The following ROBO2 variants were observed in gnomAD, a reference collection of about 807,000 sequenced individuals.
ROBO2 encodes roundabout homolog 2.
ROBO2 carries 53 observed loss-of-function variants against 160.8 expected under a neutral mutation model. That is an observed-to-expected ratio of 0.33 (90% CI 0.26 to 0.41). The LOEUF is 0.41. Ranked by LOEUF, ROBO2 falls within the 10% of genes least tolerant of loss-of-function variation. ROBO2 has a pLI of 1.00. For synonymous variants in ROBO2, 664 were observed against 611.7 expected, an observed-to-expected ratio of 1.09 and a Z score of -1.26; for missense variants, 1,577 against 1,722.4, an observed-to-expected ratio of 0.92 and a Z score of 1.49.
At chr3:77,240,077 C>G (rs562908158) in intron 2 of ROBO2, among the ~76,000 whole-genome samples, 2 of 152,330 alleles carry the variant, frequency 1.3e-5, no homozygotes, top group African/African-American at 4.8e-5. Context: ...CAGCCAGTCC[C>G]ATGCTGCGCT....
chr3:77,477,273 G>T, intron 2 of ROBO2, 141 bp from the exon 3 acceptor site: 1 of 819,422 alleles, frequency 1.2e-6, no homozygotes. Context: ...AATATTTTAA[G>T]GTGGATGTAG....
At chr3:77,087,051 T>C (rs1249961859) in intron 1 of ROBO2, among the ~76,000 whole-genome samples, 1 of 152,138 alleles carries the variant, frequency 6.6e-6, no homozygotes, top group African/African-American at 2.4e-5. Context: ...TTTTAGACAT[T>C]GACACTGGGT....
At chr3:76,111,158 G>A (rs1050323200) in intron 2 of ROBO2, among the ~76,000 whole-genome samples, 1 of 152,054 alleles carries the variant, frequency 6.6e-6, no homozygotes, top group African/African-American at 2.4e-5. Flanking sequence ...AATATGACTG[G>A]TGTCATTATA....
chr3:76,795,700 C>T lies in ROBO2; in HGVS notation c.110-302314C>T, dbSNP rs138533797. On this transcript the variant is annotated intron_variant, in intron 2 of 26. Coordinates refer to the ROBO2 transcript ENST00000487694. ...TCATCCATGAGGTTTGGAATCAACT[C>T]TTTTGAACATCCCATTAATGTTGGC... is the stretch of plus-strand genomic sequence containing the variant. Among the ~76,000 whole-genome samples, 216 of 152,204 alleles carry T rather than the reference C, an allele frequency of 1.4e-3. 1 individual carries two copies. Among genetic ancestry groups the T allele is most frequent in the African/African-American group, 5.1e-3 (211 of 41,562 alleles).
intron 2 of ROBO2, among the ~76,000 whole-genome samples, chr3:77,451,420 A>G (rs1216600814): frequency 6.6e-6 from 1 of 152,088 alleles, no homozygotes; most frequent in African/African-American, 2.4e-5. Context: ...GCTTTTCACT[A>G]TTTAGATCAC....
intron 2 of ROBO2, among the ~76,000 whole-genome samples, chr3:76,099,012 T>C (rs2069571725): frequency 6.6e-6 from 1 of 152,146 alleles, no homozygotes; most frequent in African/African-American, 2.4e-5. Context: ...TCATAATCAA[T>C]ATAGCTAGGT....
intron 2 of ROBO2, among the ~76,000 whole-genome samples, chr3:76,471,247 T>C (rs2078641629): frequency 6.6e-6 from 1 of 152,182 alleles, no homozygotes; most frequent in Admixed American, 6.6e-5. Flanking sequence ...AAATAAATCC[T>C]TGCTGAATAA....
At chr3:77,180,410 C>CTATATATATATATATATATA (rs1306675292) in intron 2 of ROBO2, among the ~76,000 whole-genome samples, 1 of 97,930 alleles carries the variant, frequency 1.0e-5, no homozygotes, top group Admixed American at 1.1e-4. Flanking sequence ...CTCTCTCTCT[C>CTATATATATATATATATATA]TCTCTCTATA....
At chr3:76,123,461 C>T (rs2070835626) in intron 2 of ROBO2, among the ~76,000 whole-genome samples, 1 of 152,102 alleles carries the variant, frequency 6.6e-6, no homozygotes, top group Non-Finnish European at 1.5e-5. Flanking sequence ...CCTTACTTCT[C>T]TCTAACCAAT....
At chr3:76,711,030 G>A (rs1454319934) in intron 2 of ROBO2, among the ~76,000 whole-genome samples, 2 of 152,106 alleles carry the variant, frequency 1.3e-5, no homozygotes, top group Non-Finnish European at 2.9e-5. Context: ...TGGTTGACTG[G>A]TCCATAGAAA....
intron 8 of ROBO2, among the ~76,000 whole-genome samples, chr3:77,552,148 A>C (rs1433731094): frequency 3.3e-5 from 5 of 152,014 alleles, no homozygotes; most frequent in African/African-American, 1.2e-4. Flanking sequence ...ATAAAAGATA[A>C]TTATTAATCA....
rs1476381706 is a variant in ROBO2, at chr3:77,081,138, A to G, written c.62-16876A>G. The stretch of plus-strand genomic sequence containing the variant: ...TTACAGGTTACTGACACTATCAAGT[A>G]TTTTGATATCCAGTGTTTGCCTCTG... On this transcript the variant is annotated intron_variant, in intron 1 of 25. Coordinates refer to ENST00000461745, the Ensembl canonical transcript of ROBO2. Among the ~76,000 whole-genome samples, 5 of 152,216 alleles carry G rather than the reference A, an allele frequency of 3.3e-5. No individual in the cohort carries two copies. The South Asian group carries it at 6.2e-4, about 19-fold the overall frequency.
chr3:76,528,186 G>C (rs2082043436), intron 2 of ROBO2, among the ~76,000 whole-genome samples: 1 of 152,086 alleles, frequency 6.6e-6, no homozygotes. Flanking sequence ...CAAACCCAAG[G>C]CCTCATTTTT....
chr3:76,323,275 A>T (rs1224829691), intron 2 of ROBO2, among the ~76,000 whole-genome samples: 1 of 152,010 alleles, frequency 6.6e-6, no homozygotes, highest in African/African-American at 2.4e-5. Context: ...CTGTGTCTCT[A>T]TATTAAGCAC....
chr3:77,287,114 T>G (rs2060656361), intron 2 of ROBO2, among the ~76,000 whole-genome samples: 1 of 152,172 alleles, frequency 6.6e-6, no homozygotes, highest in Non-Finnish European at 1.5e-5. Context: ...TTTATGGAAT[T>G]GATCCATCAT....
At chr3:77,292,095 G>A (rs1281759435) in intron 2 of ROBO2, among the ~76,000 whole-genome samples, 8 of 150,230 alleles carry the variant, frequency 5.3e-5, no homozygotes, top group Admixed American at 3.3e-4. Context: ...TAAAATTGAC[G>A]GTTAAACGGG....
intron 2 of ROBO2, among the ~76,000 whole-genome samples, chr3:76,737,432 A>G (rs1367043768): frequency 2.6e-5 from 4 of 152,158 alleles, no homozygotes; most frequent in Admixed American, 1.3e-4. Context: ...GAATCCAACA[A>G]TAGGAAACAA....
At chr3:77,362,795 G>A (rs991166013) in intron 2 of ROBO2, among the ~76,000 whole-genome samples, 3 of 152,130 alleles carry the variant, frequency 2.0e-5, no homozygotes, top group African/African-American at 7.2e-5. Flanking sequence ...CATGGTGGAA[G>A]GCAAATAAGG....
chr3:76,179,228 A>G (rs1469767174), intron 2 of ROBO2, among the ~76,000 whole-genome samples: 5 of 152,104 alleles, frequency 3.3e-5, no homozygotes, highest in Non-Finnish European at 7.4e-5. Flanking sequence ...ATAGCACTGA[A>G]CAACATGGGT....
Sources: gnomAD v4.1 joint callset for allele counts (sites outside exome capture counted in the v4.1 genomes callset) on GRCh38, gnomAD v4.1.1 for gene constraint, MANE v1.5 for transcripts, NCBI Gene and HGNC (gene_info 2026-07-23, HGNC 2026-07-21) for gene names.